The following RAPGEF5 variants were observed in gnomAD, a reference collection of about 807,000 sequenced individuals.
RAPGEF5 encodes the protein M-Ras-regulated GEF.
RAPGEF5 carries 65 observed loss-of-function variants against 125.2 expected under a neutral mutation model. The observed-to-expected ratio is 0.52, with a 90% CI of 0.43 to 0.64. The LOEUF (loss-of-function observed/expected upper bound fraction) is 0.64. Among genes scored for constraint, RAPGEF5 ranks in the 30% least tolerant of loss-of-function variants. RAPGEF5 has a pLI of 0.00. For missense variants in RAPGEF5, 958 were observed against 1,048.1 expected, an observed-to-expected ratio of 0.91 and a Z score of 1.19; for synonymous variants, 391 against 385.9, an observed-to-expected ratio of 1.01 and a Z score of -0.16.
chr7:22,331,020 C>T (rs1783906413), intron 1 of RAPGEF5, among the ~76,000 whole-genome samples: 1 of 152,158 alleles, frequency 6.6e-6, no homozygotes, highest in African/African-American at 2.4e-5. Context: ...ATCCCTGCCC[C>T]ACAGCCCTCC....
At chr7:22,273,975 A>C (rs1270456324) in intron 6 of RAPGEF5, among the ~76,000 whole-genome samples, 1 of 152,210 alleles carries the variant, frequency 6.6e-6, no homozygotes, top group Non-Finnish European at 1.5e-5. Context: ...CTTGACGAAC[A>C]CAGCCATCCT....
chr7:22,316,474 TATATA>T (rs1783595242), intron 2 of RAPGEF5, among the ~76,000 whole-genome samples: 1 of 57,302 alleles, frequency 1.7e-5, no homozygotes, highest in African/African-American at 7.0e-5. Flanking sequence ...TATATATATA[TATATA>T]TATATATATA....
intron 11 of RAPGEF5, among the ~76,000 whole-genome samples, chr7:22,180,545 G>A (rs191693805): frequency 2.1e-4 from 32 of 152,172 alleles, no homozygotes; most frequent in Admixed American, 1.4e-3. Context: ...TGGCTTTATC[G>A]GCTGCGGACT....
chr7:22,308,945 C>A (rs1253647133), intron 4 of RAPGEF5, among the ~76,000 whole-genome samples: 1 of 152,092 alleles, frequency 6.6e-6, no homozygotes, highest in Non-Finnish European at 1.5e-5. Flanking sequence ...GACGTCTAGA[C>A]ATTTTTGGTT....
At chr7:22,189,313 T>C (rs1231573287) in intron 11 of RAPGEF5, among the ~76,000 whole-genome samples, 2 of 152,314 alleles carry the variant, frequency 1.3e-5, no homozygotes, top group Middle Eastern at 6.8e-3. Flanking sequence ...GGTTTCTCCA[T>C]GTAATCCACA....
chr7:22,284,831 A>AT (rs968404507), intron 6 of RAPGEF5, among the ~76,000 whole-genome samples: 91 of 152,228 alleles, frequency 6.0e-4, no homozygotes, highest in African/African-American at 2.0e-3. Flanking sequence ...ATAGAAACCC[A>AT]TTTTTTTGCA....
At chr7:22,283,066 C>CACACT (rs1782711819) in intron 6 of RAPGEF5, among the ~76,000 whole-genome samples, 1 of 151,382 alleles carries the variant, frequency 6.6e-6, no homozygotes, top group Non-Finnish European at 1.5e-5. Flanking sequence ...CACACACACA[C>CACACT]ACACGCATGA....
At chr7:22,127,111 T>G (rs960433043) in intron 24 of RAPGEF5, among the ~76,000 whole-genome samples, 1 of 148,860 alleles carries the variant, frequency 6.7e-6, no homozygotes. Context: ...TGATCTCGGC[T>G]CACTGCACCC....
chr7:22,156,855 C>T lies in RAPGEF5; in HGVS notation c.1591G>A (p.Glu531Lys). Residue 531 changes from glutamate to lysine, a missense_variant, in exon 16 of 26, where the codon GAG becomes AAG. By Grantham distance (56) the Glu-to-Lys change is moderately conservative. Transcript: ENST00000665637. ...KALFHQFSLK[E>K]NWLQHRGTVT... Reference sequence around the variant, plus strand: ...GTTCCTCTATGCTGGAGCCAGTTCTCCTTAAGACTGAATTGGTGGAAAAGG... The same window carrying T: ...GTTCCTCTATGCTGGAGCCAGTTCTTCTTAAGACTGAATTGGTGGAAAAGG... 1 of 1,613,884 alleles carries T rather than the reference C, an allele frequency of 6.2e-7. No homozygotes were observed. Among genetic ancestry groups the T allele is most frequent in the Non-Finnish European group, 8.5e-7 (1 of 1,179,838 alleles).
intron 15 of RAPGEF5, 33 bp downstream of exon 15, chr7:22,157,822 C>T: frequency 6.3e-7 from 1 of 1,594,228 alleles, no homozygotes; most frequent in South Asian, 1.1e-5. Context: ...CAAACCGGAT[C>T]ACCTAATTTT....
Position 22,147,036 on chromosome 7 carries a change from A to G in RAPGEF5, c.1885-17T>C, listed in dbSNP as rs1783463156. On this transcript the variant is annotated splice_polypyrimidine_tract_variant and intron_variant, in intron 18 of 25. Transcript: ENST00000665637. ...AAATGGGTTCTAAACCAACAGAAGC[A>G]AAAAGATCCTCAGTAATTCCCAAAT... The G allele has an allele frequency of 6.2e-7, 1 of 1,609,496 alleles. No individual in the cohort carries two copies. Among genetic ancestry groups the G allele is most frequent in the African/African-American group, 1.3e-5 (1 of 74,646 alleles).
intron 11 of RAPGEF5, among the ~76,000 whole-genome samples, chr7:22,178,249 T>C (rs1361442713): frequency 6.6e-6 from 1 of 152,198 alleles, no homozygotes; most frequent in Non-Finnish European, 1.5e-5. Flanking sequence ...GGCCAAATCA[T>C]AAAATTCTTC....
At chr7:22,187,716 G>A (rs567109889) in intron 11 of RAPGEF5, among the ~76,000 whole-genome samples, 4 of 152,298 alleles carry the variant, frequency 2.6e-5, no homozygotes, top group Non-Finnish European at 5.9e-5. Flanking sequence ...TCCAGGACAG[G>A]GGCCAGCGGA....
chr7:22,236,348 T>C (rs906912970), intron 7 of RAPGEF5, among the ~76,000 whole-genome samples: 27 of 152,238 alleles, frequency 1.8e-4, no homozygotes, highest in African/African-American at 6.5e-4. Context: ...CAGTCACGAG[T>C]TGAATATTTT....
At chr7:22,307,301 T>C (rs1328421903) in intron 5 of RAPGEF5, among the ~76,000 whole-genome samples, 1 of 152,190 alleles carries the variant, frequency 6.6e-6, no homozygotes, top group Non-Finnish European at 1.5e-5. Flanking sequence ...TAATTTTATT[T>C]GTGTCTATTG....
At chr7:22,200,885 A>C (rs1785262200) in intron 9 of RAPGEF5, among the ~76,000 whole-genome samples, 1 of 152,224 alleles carries the variant, frequency 6.6e-6, no homozygotes, top group Non-Finnish European at 1.5e-5. Flanking sequence ...TAGCATCTTG[A>C]AATATAAAGT....
At chr7:22,277,493 T>C (rs1782583106) in intron 6 of RAPGEF5, among the ~76,000 whole-genome samples, 1 of 152,238 alleles carries the variant, frequency 6.6e-6, no homozygotes, top group South Asian at 2.1e-4. Flanking sequence ...TTGGCTCAAC[T>C]GGGTTCTCTG....
chr7:22,179,392 C>T (rs529220519), intron 11 of RAPGEF5, among the ~76,000 whole-genome samples: 31 of 152,214 alleles, frequency 2.0e-4, no homozygotes, highest in South Asian at 8.3e-4. Context: ...GCTAACTAAA[C>T]CTTGCATGCT....
intron 11 of RAPGEF5, among the ~76,000 whole-genome samples, chr7:22,172,942 G>C (rs144517597): frequency 2.5e-4 from 38 of 152,298 alleles, no homozygotes; most frequent in East Asian, 2.3e-3. Context: ...ACTGCCTATA[G>C]TAGCCATTTA....
Sources: allele counts gnomAD v4.1 joint callset (sites outside exome capture counted in the v4.1 genomes callset), GRCh38; gene constraint gnomAD v4.1.1; transcripts MANE v1.5; gene names NCBI Gene and HGNC (gene_info 2026-07-23, HGNC 2026-07-21).